The following NUMA1 variants were observed in gnomAD, a reference collection of about 807,000 sequenced individuals.
NUMA1 encodes the protein SP-H antigen.
A neutral mutation model predicts 237.1 loss-of-function variants in NUMA1; 62 were observed. The observed-to-expected ratio is 0.26, with a 90% CI of 0.21 to 0.32. The LOEUF is 0.32. Ranked by LOEUF, NUMA1 falls within the 10% of genes least tolerant of loss-of-function variation. The pLI is 1.00. For missense variants in NUMA1, 2,533 were observed against 2,666.5 expected, an observed-to-expected ratio of 0.95 and a Z score of 1.10; for synonymous variants, 1,028 against 1,066.1, an observed-to-expected ratio of 0.96 and a Z score of 0.70.
At chr11:72,055,616 C>T (rs2136086462) in intron 2 of NUMA1, among the ~76,000 whole-genome samples, 1 of 152,248 alleles carries the variant, frequency 6.6e-6, no homozygotes, top group South Asian at 2.1e-4. Context: ...CAGGTGTGTT[C>T]ACCTTGTGGA....
chr11:72,074,710 G>A (rs1474083675), intron 1 of NUMA1, among the ~76,000 whole-genome samples: 1 of 152,162 alleles, frequency 6.6e-6, no homozygotes, highest in Non-Finnish European at 1.5e-5. Flanking sequence ...CTGCACTCCA[G>A]CCAGAGTGAC....
In NUMA1 at chr11:72,006,240, G is replaced by C. The variant is rs756144350; in HGVS notation, c.5487C>G (p.Asp1829Glu). The C allele has an allele frequency of 1.2e-6, 2 of 1,614,198 alleles. No homozygotes were observed. Among genetic ancestry groups the C allele is most frequent in the East Asian group, 2.2e-5 (1 of 44,872 alleles). Reference protein sequence around the residue: ...MTKKLDVEEPDSANSSFYSTR... With the variant: ...MTKKLDVEEPESANSSFYSTR... ...TGCTGTAGAACGATGAGTTGGCGCT[G>C]TCTGGCTCTTCCACATCTAGCTTCT... The change falls in exon 22 of 27, where the codon GAC becomes GAG. Residue 1829 changes from aspartate to glutamate, a missense_variant. Physicochemically the swap from Asp to Glu is conservative, Grantham distance 45 (BLOSUM62 2). Transcript: ENST00000393695.
rs66689566 is a variant in NUMA1 at position 72,049,596 on chromosome 11, G to GTATATA, written c.-32-13627_-32-13622dup. On this transcript the variant is annotated intron_variant, in intron 2 of 26. Coordinates refer to ENST00000393695, the MANE Select transcript of NUMA1 (RefSeq NM_006185.4). ...ATATATATATATAGTGTGTGTGTGT[G>GTATATA]TATATATATATATATATTTGCCTAT... 25 of 64,702 alleles carry GTATATA rather than the reference G, an allele frequency of 3.9e-4. 2 individuals are homozygous for GTATATA. The highest frequency in any genetic ancestry group is 2.8e-3 in the East Asian group (6 of 2,122). The allele number at this position is 64,702 out of a possible 1,614,324, so 4.0% of individuals were successfully genotyped here. A position where few individuals can be genotyped will look rare whatever the true frequency, so the allele number is the denominator to read the frequency against.
intron 6 of NUMA1, 79 bp from the exon 7 acceptor site, chr11:72,022,498 C>T: frequency 3.2e-6 from 3 of 935,352 alleles, no homozygotes; most frequent in Non-Finnish European, 5.1e-6. Flanking sequence ...GTTCTGGGGA[C>T]TCTGAGCTAT....
chr11:72,057,116 A>G (rs954032801), intron 2 of NUMA1, among the ~76,000 whole-genome samples: 1 of 152,106 alleles, frequency 6.6e-6, no homozygotes, highest in Non-Finnish European at 1.5e-5. Flanking sequence ...AAACAAAGGA[A>G]ATATATTCTA....
At chr11:72,020,871 CA>C (rs1208122273) in intron 8 of NUMA1, 110 of 174,514 alleles carry the variant, frequency 6.3e-4, no homozygotes, top group South Asian at 1.6e-3. Context: ...GACTCTGTCT[CA>C]AAAAAAAATA....
chr11:72,037,505 C>CA (rs993622264), intron 2 of NUMA1, among the ~76,000 whole-genome samples: 20 of 148,658 alleles, frequency 1.3e-4, no homozygotes, highest in Admixed American at 9.4e-4. Flanking sequence ...GACTCCGTCT[C>CA]AAAAAAAAAT....
At chr11:72,016,338 A>G in intron 14 of NUMA1, 70 bp downstream of exon 14, 1 of 1,591,540 alleles carries the variant, frequency 6.3e-7, no homozygotes, top group South Asian at 1.1e-5. Flanking sequence ...GAGGAACACC[A>G]GGAACCCAAA....
chr11:72,007,438 A>G lies in NUMA1; in HGVS notation c.5217-3T>C, dbSNP rs113809822. Reference sequence around the variant, plus strand: ...CTGGCTGGGTACGAGGCAGCTTGCTATGGAAAGGAAACCTGCTGAGGTACA... The same window carrying G: ...CTGGCTGGGTACGAGGCAGCTTGCTGTGGAAAGGAAACCTGCTGAGGTACA... On this transcript the variant is annotated splice_polypyrimidine_tract_variant and splice_region_variant and intron_variant, in intron 20 of 26. Coordinates refer to ENST00000393695, the MANE Select transcript of NUMA1 (RefSeq NM_006185.4). 1 of 1,613,106 alleles carries G rather than the reference A, an allele frequency of 6.2e-7. No individual in the cohort carries two copies. The highest frequency in any genetic ancestry group is 2.2e-5 in the East Asian group (1 of 44,862).
intron 2 of NUMA1, among the ~76,000 whole-genome samples, chr11:72,063,258 C>T (rs1943036749): frequency 2.0e-5 from 3 of 151,980 alleles, no homozygotes; most frequent in South Asian, 4.2e-4. Flanking sequence ...TGGTGCACAC[C>T]TGTGGTCCCA....
At chr11:72,053,303 C>T (rs58971776) in intron 2 of NUMA1, among the ~76,000 whole-genome samples, 2 of 152,112 alleles carry the variant, frequency 1.3e-5, no homozygotes, top group African/African-American at 4.8e-5. Context: ...CCTAATTACG[C>T]CTTTTTGTAT....
chr11:72,057,993 C>T (rs995323611), intron 2 of NUMA1, among the ~76,000 whole-genome samples: 1 of 151,898 alleles, frequency 6.6e-6, no homozygotes, highest in Admixed American at 6.6e-5. Flanking sequence ...ATCACTTGAA[C>T]CCAGGAGGTG....
rs531902208 is a variant in NUMA1, at chr11:72,054,700, T to A, written c.-33+15142A>T. Among the ~76,000 whole-genome samples the A allele has an allele frequency of 2.6e-5, 4 of 152,314 alleles. No homozygotes were observed. The South Asian group carries it at 8.3e-4, about 32-fold the overall frequency. On this transcript the variant is annotated intron_variant, in intron 2 of 26. Transcript: ENST00000393695. ...AAGCCCAAAATCTAAACCGTCTTGC[T>A]ATATTGGCAAGCAGTTTGAGAGTTA... is the stretch of plus-strand genomic sequence containing the variant.
chr11:72,043,962 C>G (rs1941846896), intron 2 of NUMA1, among the ~76,000 whole-genome samples: 1 of 152,034 alleles, frequency 6.6e-6, no homozygotes, highest in Non-Finnish European at 1.5e-5. Flanking sequence ...GATAGATAAA[C>G]AGAGAGACAG....
intron 2 of NUMA1, chr11:72,049,515 C>T (rs751516513): frequency 2.8e-5 from 3 of 105,936 alleles, no homozygotes; most frequent in Non-Finnish European, 3.8e-5. Context: ...TTGAGACCAG[C>T]GTGGGCAACA....
chr11:72,030,591 A>T (rs1003579861), intron 3 of NUMA1, among the ~76,000 whole-genome samples: 1 of 152,234 alleles, frequency 6.6e-6, no homozygotes, highest in Non-Finnish European at 1.5e-5. Context: ...CATGAATTCC[A>T]CAGGCACTAC....
At chr11:72,021,370 A>C in intron 7 of NUMA1, 79 bp from the exon 8 acceptor site, 11 of 1,294,942 alleles carry the variant, frequency 8.5e-6, no homozygotes, top group Non-Finnish European at 1.1e-5. Flanking sequence ...CCACCCTGGC[A>C]GTGCCAGTCC....
chr11:72,012,442 CCTGTA>C lies in NUMA1; in HGVS notation c.4609-5_4609-1del. 1 of 1,612,878 alleles carries C rather than the reference CCTGTA, an allele frequency of 6.2e-7. No individual in the cohort carries two copies. The highest frequency in any genetic ancestry group is 8.5e-7 in the Non-Finnish European group (1 of 1,179,410). On this transcript the variant is annotated splice_acceptor_variant and splice_polypyrimidine_tract_variant and intron_variant, in intron 15 of 26. Transcript: ENST00000393695. LOFTEE classifies it high-confidence loss of function. ...CTCTGAAATACCTCTAGCTGCTCCA[CCTGTA>C]CATGGGGGAGGAGCAACAGAGACAG...
chr11:72,020,458 A>G (rs1051269113), intron 8 of NUMA1: 2 of 152,242 alleles, frequency 1.3e-5, no homozygotes, highest in Non-Finnish European at 2.9e-5. Flanking sequence ...CACTCTTTCT[A>G]CTGTAGTACC....
Sources: allele counts gnomAD v4.1 joint callset (sites outside exome capture counted in the v4.1 genomes callset), GRCh38; gene constraint gnomAD v4.1.1; transcripts MANE v1.5; gene names NCBI Gene and HGNC (gene_info 2026-07-23, HGNC 2026-07-21).